Variants in PRPSAP2 observed in about 807,000 individuals in gnomAD.
The protein encoded by PRPSAP2 is phosphoribosyl pyrophosphate synthetase associated protein 2.
Under a neutral mutation model 40.6 loss-of-function variants are expected in PRPSAP2, and 24 were observed. The ratio of observed to expected loss-of-function variants is 0.59; its 90% confidence interval spans 0.43 to 0.83. The LOEUF is 0.83. PRPSAP2 is among the 40% of genes least tolerant of loss of function. The pLI, the probability that PRPSAP2 is intolerant of heterozygous loss-of-function variation, is 0.00. For synonymous variants in PRPSAP2, 149 were observed against 164.7 expected (o/e 0.90, Z 0.73); for missense variants, 292 against 465.6 (o/e 0.63, Z 3.43).
intron 7 of PRPSAP2, 25 bp downstream of exon 7, chr17:18,882,708 T>G (rs752864655): frequency 1.0e-5 from 14 of 1,393,856 alleles, no homozygotes; most frequent in Non-Finnish European, 1.4e-5. Flanking sequence ...ACTTTTTTAT[T>G]TTAACATTCT....
At position 18,906,200 on chromosome 17, in the gene PRPSAP2, G is replaced by C. The variant is rs563102206; in HGVS notation, c.585-4903G>C. 2.8e-4 allele frequency among the ~76,000 whole-genome samples: 42 copies of C among 150,648 alleles called. No individual in the cohort carries two copies. The South Asian group carries it at 8.6e-3, about 31-fold the overall frequency. On this transcript the variant is annotated intron_variant, in intron 8 of 11. Transcript: ENST00000268835. ...AATAAATGTTTACTTACGTGTGTCT[G>C]AGATTGTTTGTTTGTTTGTTTGTTT...
chr17:18,895,896 G>A (rs916822109), intron 8 of PRPSAP2, among the ~76,000 whole-genome samples: 13 of 152,024 alleles, frequency 8.6e-5, no homozygotes, highest in African/African-American at 3.1e-4. Flanking sequence ...CAAAATGCTG[G>A]GATTACAGGT....
At chr17:18,882,522 A>T (rs758713439) in intron 6 of PRPSAP2, 46 bp from the exon 7 acceptor site, 2 of 1,318,118 alleles carry the variant, frequency 1.5e-6, no homozygotes, top group Non-Finnish European at 2.2e-6. Flanking sequence ...AAAAAAAAAA[A>T]CAAAAACAAA....
chr17:18,859,921 T>A (rs2036876792), intron 1 of PRPSAP2: 1 of 151,602 alleles, frequency 6.6e-6, no homozygotes, highest in Non-Finnish European at 1.5e-5. Flanking sequence ...ATTTTTTGTA[T>A]TTTTAGTAGA....
At chr17:18,874,699 G>A (rs1378887833) in intron 5 of PRPSAP2, among the ~76,000 whole-genome samples, 1 of 152,226 alleles carries the variant, frequency 6.6e-6, no homozygotes, top group Non-Finnish European at 1.5e-5. Flanking sequence ...GGCACGGAGC[G>A]CCAACTGCCC....
At chr17:18,873,577 A>T (rs1202057770) in intron 5 of PRPSAP2, among the ~76,000 whole-genome samples, 1 of 152,152 alleles carries the variant, frequency 6.6e-6, no homozygotes, top group Non-Finnish European at 1.5e-5. Context: ...ATTTTGTAAA[A>T]CTTGCAAGGA....
intron 6 of PRPSAP2, among the ~76,000 whole-genome samples, chr17:18,880,566 C>A (rs1423225509): frequency 1.3e-5 from 2 of 152,030 alleles, no homozygotes; most frequent in Non-Finnish European, 2.9e-5. Flanking sequence ...CATCACCATA[C>A]CTGACTAGTT....
At chr17:18,907,690 T>C (rs1310843582) in intron 8 of PRPSAP2, among the ~76,000 whole-genome samples, 1 of 152,176 alleles carries the variant, frequency 6.6e-6, no homozygotes, top group African/African-American at 2.4e-5. Flanking sequence ...AAATATATTC[T>C]CTGACCACAG....
intron 8 of PRPSAP2, chr17:18,908,981 G>T (rs2040783698): frequency 3.6e-6 from 1 of 274,940 alleles, no homozygotes; most frequent in East Asian, 1.1e-4. Flanking sequence ...GTTATATAAA[G>T]AACTGAATTC....
chr17:18,924,139 A>G (rs983222345), intron 10 of PRPSAP2, 155 bp downstream of exon 10: 3 of 606,266 alleles, frequency 4.9e-6, no homozygotes, highest in East Asian at 3.1e-5. Flanking sequence ...TCCCAGGTTC[A>G]AACGATTCTC....
chr17:18,920,456 A>G (rs2041630413), intron 9 of PRPSAP2, among the ~76,000 whole-genome samples: 2 of 152,160 alleles, frequency 1.3e-5, no homozygotes, highest in South Asian at 4.1e-4. Context: ...TTTTGACTCA[A>G]GTAGTGATCA....
At chr17:18,901,258 G>A (rs929016938) in intron 8 of PRPSAP2, among the ~76,000 whole-genome samples, 7 of 152,112 alleles carry the variant, frequency 4.6e-5, no homozygotes, top group South Asian at 2.1e-4. Context: ...TTTTTGGGTC[G>A]CTTCTTCTCC....
chr17:18,930,423 C>A, intron 11 of PRPSAP2, 117 bp from the exon 12 acceptor site: 1 of 852,920 alleles, frequency 1.2e-6, no homozygotes, highest in Non-Finnish European at 1.8e-6. Context: ...AGACATAGAT[C>A]CACTGTGTTT....
Position 18,911,270 on chromosome 17 carries a change from C to G in PRPSAP2, c.733+19C>G, listed in dbSNP as rs755752833. On this transcript the variant is annotated intron_variant, in intron 9 of 11. Coordinates refer to ENST00000268835, the MANE Select transcript of PRPSAP2 (RefSeq NM_002767.4). This position sits in a 1 kb window ranked among gnomAD's most constrained non-coding sequence, Gnocchi z 4.5. ...ATCCCCAGTAAGTGTGCTGCTGCCT[C>G]TTTCCCACTTTCCTCTGATTTTAAG... 5.6e-5 allele frequency: 89 copies of G among 1,585,234 alleles called. No individual in the cohort carries two copies. Among genetic ancestry groups the G allele is most frequent in the Non-Finnish European group, 7.4e-5 (86 of 1,161,230 alleles).
chr17:18,878,064 A>G (rs1320191847), intron 6 of PRPSAP2, among the ~76,000 whole-genome samples, 194 bp downstream of exon 6: 1 of 152,252 alleles, frequency 6.6e-6, no homozygotes, highest in Non-Finnish European at 1.5e-5. Flanking sequence ...CTATAGGCAC[A>G]TACCACCCTG....
chr17:18,872,018 C>G (rs1360236401), intron 4 of PRPSAP2, among the ~76,000 whole-genome samples: 1 of 152,016 alleles, frequency 6.6e-6, no homozygotes, highest in Non-Finnish European at 1.5e-5. Flanking sequence ...CACCTGTAAT[C>G]CCAGTACTTT....
intron 8 of PRPSAP2, among the ~76,000 whole-genome samples, chr17:18,903,345 G>T (rs2040397182): frequency 6.6e-6 from 1 of 151,604 alleles, no homozygotes; most frequent in Non-Finnish European, 1.5e-5. Context: ...GTGTGTTTTA[G>T]TATGGAGATG....
chr17:18,881,942 G>A (rs1463826422), intron 6 of PRPSAP2, among the ~76,000 whole-genome samples: 4 of 150,522 alleles, frequency 2.7e-5, no homozygotes, highest in Non-Finnish European at 5.9e-5. Flanking sequence ...CCGGATTCAA[G>A]CTATTCTTCT....
At chr17:18,870,538 T>C (rs534297104) in intron 4 of PRPSAP2, among the ~76,000 whole-genome samples, 1 of 152,254 alleles carries the variant, frequency 6.6e-6, no homozygotes, top group South Asian at 2.1e-4. Flanking sequence ...CAGGGCATGG[T>C]GGCTCACACC....
Sources: gnomAD v4.1 joint callset for allele counts (sites outside exome capture counted in the v4.1 genomes callset) on GRCh38, gnomAD v4.1.1 for gene constraint, Gnocchi (gnomAD v3.1) non-coding constraint, MANE v1.5 for transcripts, NCBI Gene and HGNC (gene_info 2026-07-23, HGNC 2026-07-21) for gene names.